PEDS1: variants seen among roughly 807,000 people sequenced by gnomAD.
PEDS1 encodes the protein CarF homolog.
PEDS1 carries 14 observed loss-of-function variants against 35.2 expected under a neutral mutation model. The observed-to-expected ratio is 0.40, with a 90% CI of 0.26 to 0.62. The LOEUF is 0.62. Ranked by LOEUF, PEDS1 falls within the 20% of genes least tolerant of loss-of-function variation. The pLI, the probability that PEDS1 is intolerant of heterozygous loss-of-function variation, is 0.44. For missense variants in PEDS1, 260 were observed against 367.8 expected, an observed-to-expected ratio of 0.71 and a Z score of 2.40; for synonymous variants, 152 against 152.0, an observed-to-expected ratio of 1.00 and a Z score of 0.00.
At chr20:50,126,832 C>T (rs1281514872) in intron 5 of PEDS1, among the ~76,000 whole-genome samples, 2 of 152,218 alleles carry the variant, frequency 1.3e-5, no homozygotes, top group Non-Finnish European at 2.9e-5. Flanking sequence ...CTCCACTGCA[C>T]TGGGCATGTT....
rs527335405 is a variant in PEDS1 at position 50,133,066 on chromosome 20, C to T, written c.242-2119G>A. 5.3e-5 allele frequency among the ~76,000 whole-genome samples: 8 copies of T among 152,258 alleles called. No individual in the cohort carries two copies. The South Asian group carries it at 1.5e-3, about 28-fold the overall frequency. ...TTCTGAGTTCTGCTGGTGCCCTCAA[C>T]CCCTTGGTGACAGGGGACCAGGGTC... On this transcript the variant is annotated intron_variant, in intron 2 of 5. Coordinates refer to ENST00000371652, the MANE Select transcript of PEDS1 (RefSeq NM_199129.4).
chr20:50,139,683 T>TC (rs2081273266), intron 2 of PEDS1, among the ~76,000 whole-genome samples: 1 of 150,534 alleles, frequency 6.6e-6, no homozygotes. Flanking sequence ...TTCTTTCTTT[T>TC]TTTTTTTTTT....
chr20:50,125,971 C>T (rs953615030), intron 5 of PEDS1, among the ~76,000 whole-genome samples: 3 of 152,128 alleles, frequency 2.0e-5, no homozygotes, highest in East Asian at 1.9e-4. Context: ...GCAATCCTCT[C>T]GCCTTGGCTT....
chr20:50,125,329 G>A (rs2081088714), intron 5 of PEDS1, 150 bp from the exon 6 acceptor site: 2 of 1,084,336 alleles, frequency 1.8e-6, no homozygotes, highest in Non-Finnish European at 1.3e-6. Context: ...AACTGGAAGT[G>A]GGGGCCTCCC....
rs941741285 is a variant in PEDS1 at position 50,121,367 on chromosome 20, C to G, written c.*3691G>C. ...AGGGGCTTTGGGTCAGACGCTGGCT[C>G]AAATCCTGATTCTGCCACCTACCAG... is the stretch of plus-strand genomic sequence containing the variant. On this transcript the variant is annotated 3_prime_UTR_variant, in exon 6 of 6. Transcript: ENST00000371652. The G allele has an allele frequency of 6.6e-6, 1 of 152,282 alleles. No individual in the cohort carries two copies. Among genetic ancestry groups the G allele is most frequent in the African/African-American group, 2.4e-5 (1 of 41,432 alleles). The allele number at this position is 152,282 out of a possible 1,614,324, so 9.4% of individuals were successfully genotyped here. A position where few individuals can be genotyped will look rare whatever the true frequency, so the allele number is the denominator to read the frequency against.
At chr20:50,138,892 G>A (rs1345784125) in intron 2 of PEDS1, among the ~76,000 whole-genome samples, 1 of 152,182 alleles carries the variant, frequency 6.6e-6, no homozygotes, top group Admixed American at 6.5e-5. Context: ...TGACTCACGG[G>A]GGAACTTGAG....
chr20:50,137,644 G>C (rs2081250451), intron 2 of PEDS1, among the ~76,000 whole-genome samples: 1 of 152,184 alleles, frequency 6.6e-6, no homozygotes, highest in Admixed American at 6.5e-5. Context: ...AGGCCGAGGA[G>C]GGTGGATCAC....
chr20:50,138,020 T>C (rs76389452), intron 2 of PEDS1, among the ~76,000 whole-genome samples: 1 of 152,190 alleles, frequency 6.6e-6, no homozygotes, highest in Non-Finnish European at 1.5e-5. Flanking sequence ...CTCCAGCTCA[T>C]GATAATGTAT....
chr20:50,134,607 G>A (rs2081213582), intron 2 of PEDS1, among the ~76,000 whole-genome samples: 1 of 152,212 alleles, frequency 6.6e-6, no homozygotes, highest in African/African-American at 2.4e-5. Flanking sequence ...GAGGAGAAGT[G>A]GCTGGATGTC....
rs183011716 is a variant in PEDS1, at chr20:50,127,373, T to C, written c.691+602A>G. 4.1e-3 allele frequency among the ~76,000 whole-genome samples: 537 copies of C among 132,232 alleles called. 4 individuals carry two copies. The highest frequency in any genetic ancestry group is 0.014 in the African/African-American group (500 of 34,584). The allele number at this position is 132,232 out of a possible 152,430, so 86.7% of individuals were successfully genotyped here. On this transcript the variant is annotated intron_variant, in intron 5 of 5. Coordinates refer to ENST00000371652, the MANE Select transcript of PEDS1 (RefSeq NM_199129.4). ...TTTTTTTTTTTTTTTTTTGAGACAG[T>C]CTCTGTCACCTAGGCTGGAGTGCAG...
rs2081130934 is a variant in PEDS1 at position 50,128,100 on chromosome 20, G to A, written c.566C>T (p.Ser189Leu). The part of the protein sequence containing the change: ...GTFTNQIHKW[S>L]HTYFGLPRWV... ...GCGTGGCAGCCCAAAGTACGTGTGC[G>A]ACCACTTGTGGATCTGGTTGGTGAA... The change falls in exon 5 of 6, where the codon TCG (serine) becomes TTG (leucine). Residue 189 changes from serine to leucine, a missense_variant. This residue lies in a region of PEDS1 where 83 missense variants were observed against 142.8 expected (regional missense o/e 0.58). Coordinates refer to ENST00000371652, the MANE Select transcript of PEDS1 (RefSeq NM_199129.4). This position sits in a 1 kb window ranked among gnomAD's most constrained non-coding sequence, Gnocchi z 5.2. 2 of 1,614,158 alleles carry A rather than the reference G, an allele frequency of 1.2e-6. No homozygotes were observed. The highest frequency in any genetic ancestry group is 1.7e-6 in the Non-Finnish European group (2 of 1,180,030).
intron 2 of PEDS1, among the ~76,000 whole-genome samples, chr20:50,136,763 G>A (rs907795891): frequency 2.0e-5 from 3 of 148,170 alleles, no homozygotes; most frequent in Non-Finnish European, 4.5e-5. Flanking sequence ...AAGGCTGGGC[G>A]CATTGGCTCA....
At position 50,143,713 on chromosome 20, in the gene PEDS1, T is replaced by TC. The variant is rs1344702434; in HGVS notation, c.122-93dup. ...GAACTTTTCTTTTCTTTTTTTTTTT[T>TC]CTGAGACAGAGTCTCACTCTATCAC... On this transcript the variant is annotated intron_variant, in intron 1 of 5. Coordinates refer to ENST00000371652, the MANE Select transcript of PEDS1 (RefSeq NM_199129.4). 1.1e-5 allele frequency: 17 copies of TC among 1,505,406 alleles called. No homozygotes were observed. In the African/African-American group the frequency reaches 1.4e-4, roughly 12 times the overall value. 93.3% of individuals were successfully genotyped at this position (1,505,406 alleles called of 1,614,324 possible). A position where few individuals can be genotyped will look rare whatever the true frequency, so the allele number is the denominator to read the frequency against.
At chr20:50,153,065 A>T (rs1467408502) in intron 1 of PEDS1, among the ~76,000 whole-genome samples, 3 of 151,672 alleles carry the variant, frequency 2.0e-5, no homozygotes, top group African/African-American at 7.3e-5. Context: ...ACTAGGATGT[A>T]GATTCCAGAT....
Position 50,125,024 on chromosome 20 carries a change from G to A in PEDS1, c.*34C>T, listed in dbSNP as rs375681783. 2 of 1,611,184 alleles carry A rather than the reference G, an allele frequency of 1.2e-6. No individual in the cohort carries two copies. The highest frequency in any genetic ancestry group is 3.3e-5 in the Admixed American group (2 of 59,934). On this transcript the variant is annotated 3_prime_UTR_variant, in exon 6 of 6. Coordinates refer to ENST00000371652, the MANE Select transcript of PEDS1 (RefSeq NM_199129.4). ...AGATGGCTTCGGTTTGGGGGCTAGG[G>A]AAGGTTGGCAACCAGGTAGCAGGCT...
Position 50,128,624 on chromosome 20 carries a change from C to A in PEDS1, c.479-437G>T, listed in dbSNP as rs745557328. On this transcript the variant is annotated intron_variant, in intron 4 of 5. Transcript: ENST00000371652. The surrounding 1 kb of genome is among the most constrained non-coding windows in gnomAD (Gnocchi z 5.2). Reference sequence around the variant, plus strand: ...TTGTGCATGTGATTTATCAAGGGAGCCTCTTCAGGAAAAAACCTCGAAGGG... The same window carrying A: ...TTGTGCATGTGATTTATCAAGGGAGACTCTTCAGGAAAAAACCTCGAAGGG... Among the ~76,000 whole-genome samples, 1 of 152,082 alleles carries A rather than the reference C, an allele frequency of 6.6e-6. No homozygotes were observed. Among genetic ancestry groups the A allele is most frequent in the African/African-American group, 2.4e-5 (1 of 41,398 alleles).
In PEDS1 at chr20:50,143,628, G is replaced by A. The variant is rs201003594; in HGVS notation, c.122-7C>T. On this transcript the variant is annotated splice_region_variant and splice_polypyrimidine_tract_variant and intron_variant, in intron 1 of 5. Transcript: ENST00000371652. ...CACTCCTGGAGGCGCTTGCCTGCAG[G>A]GAGCAGAGGCGAGAGGTAAAGGCTG... The A allele has an allele frequency of 6.2e-6, 10 of 1,614,036 alleles. No individual in the cohort carries two copies. The African/African-American group carries it at 1.3e-4, about 22-fold the overall frequency.
Position 50,129,800 on chromosome 20 carries a change from GT to G in PEDS1, c.334-111del. 6.7e-7 allele frequency: 1 copy of G among 1,503,042 alleles called. No homozygotes were observed. Among genetic ancestry groups the G allele is most frequent in the Non-Finnish European group, 8.9e-7 (1 of 1,124,074 alleles). The allele number at this position is 1,503,042 out of a possible 1,614,324, so 93.1% of individuals were successfully genotyped here. A position where few individuals can be genotyped will look rare whatever the true frequency, so the allele number is the denominator to read the frequency against. On this transcript the variant is annotated intron_variant, in intron 3 of 5. Coordinates refer to ENST00000371652, the MANE Select transcript of PEDS1 (RefSeq NM_199129.4). This position sits in a 1 kb window ranked among gnomAD's most constrained non-coding sequence, Gnocchi z 4.2. ...GCTCACCTCCCGCCTTTGATCCTAA[GT>G]TTCCTCCACCCGGGATGCTTGAACA...
Position 50,129,308 on chromosome 20 carries a change from G to C in PEDS1, c.478+238C>G, listed in dbSNP as rs998725100. On this transcript the variant is annotated intron_variant, in intron 4 of 5. Transcript: ENST00000371652. This position sits in a 1 kb window ranked among gnomAD's most constrained non-coding sequence, Gnocchi z 4.2. ...TGTCAAAGGCAGTGGCTGCAGCTCA[G>C]CTCCCACCCAGTGAGGCCAGGTGGG... Among the ~76,000 whole-genome samples the C allele has an allele frequency of 6.6e-6, 1 of 152,194 alleles. No homozygotes were observed. The highest frequency in any genetic ancestry group is 2.4e-5 in the African/African-American group (1 of 41,440).
Sources: allele counts gnomAD v4.1 joint callset (sites outside exome capture counted in the v4.1 genomes callset), GRCh38; gene constraint gnomAD v4.1.1; regional missense constraint gnomAD v4.1.1; non-coding constraint Gnocchi (gnomAD v3.1); transcripts MANE v1.5; gene names NCBI Gene and HGNC (gene_info 2026-07-23, HGNC 2026-07-21).